Variants in ARHGAP29 observed in about 807,000 individuals in gnomAD.
ARHGAP29 encodes Rho GTPase activating protein 29.
ARHGAP29 carries 43 observed loss-of-function variants against 122.6 expected under a neutral mutation model. The observed-to-expected ratio is 0.35, with a 90% CI of 0.27 to 0.45. The LOEUF (loss-of-function observed/expected upper bound fraction) is 0.45. Ranked by LOEUF, ARHGAP29 falls within the 20% of genes least tolerant of loss-of-function variation. ARHGAP29 has a pLI of 1.00. For synonymous variants in ARHGAP29, 506 were observed against 497.1 expected, an observed-to-expected ratio of 1.02 and a Z score of -0.24; for missense variants, 1,303 against 1,477.2, an observed-to-expected ratio of 0.88 and a Z score of 1.93.
chr1:94,278,011 C>G (rs1655245201), upstream of ARHGAP29, among the ~76,000 whole-genome samples: 1 of 152,164 alleles, frequency 6.6e-6, no homozygotes, highest in Non-Finnish European at 1.5e-5. Flanking sequence ...GTATATTGGT[C>G]AGTTAATAAA....
chr1:94,200,611 T>A lies in ARHGAP29; in HGVS notation c.1281+1109A>T, dbSNP rs1299253685. On this transcript the variant is annotated intron_variant, in intron 12 of 22. Transcript: ENST00000260526. Reference sequence around the variant, plus strand: ...TATAAGAAAATATTCTGCGGCTCTATTCATAATCACCCCAAACTGGAAACA... The same window carrying A: ...TATAAGAAAATATTCTGCGGCTCTAATCATAATCACCCCAAACTGGAAACA... 2.0e-5 allele frequency among the ~76,000 whole-genome samples: 3 copies of A among 152,312 alleles called. No individual in the cohort carries two copies. The East Asian group carries it at 5.8e-4, about 29-fold the overall frequency.
At chr1:94,247,720 A>C in intron 1 of ARHGAP29, 4 of 750,728 alleles carry the variant, frequency 5.3e-6, no homozygotes, top group South Asian at 6.0e-5. Flanking sequence ...CACCACCACC[A>C]CCACAGCGGC....
the ARHGAP29 span, among the ~76,000 whole-genome samples, chr1:94,304,691 A>C: frequency 1.3e-5 from 2 of 152,242 alleles, no homozygotes; most frequent in African/African-American, 2.4e-5. Context: ...TTTTGCATTG[A>C]GTAGCAACTT....
At chr1:94,213,717 TCTTACAATGTTACATAA>T (rs893453962) in intron 3 of ARHGAP29, among the ~76,000 whole-genome samples, 1 of 152,222 alleles carries the variant, frequency 6.6e-6, no homozygotes, top group Non-Finnish European at 1.5e-5. Flanking sequence ...TAACTCTCTC[TCTTACAATGTTACATAA>T]CTTCACCCCT....
chr1:94,184,759 C>T (rs909709009), intron 18 of ARHGAP29, 113 bp downstream of exon 18: 11 of 889,058 alleles, frequency 1.2e-5, no homozygotes, highest in African/African-American at 1.7e-5. Flanking sequence ...GTCTCAGAAA[C>T]AGAACAAAAC....
Position 94,177,654 on chromosome 1 carries a change from G to C in ARHGAP29, c.2863C>G (p.Arg955Gly). 1 of 1,612,882 alleles carries C rather than the reference G, an allele frequency of 6.2e-7. No homozygotes were observed. The highest frequency in any genetic ancestry group is 2.2e-5 in the East Asian group (1 of 44,798). Residue 955 changes from arginine (R) to glycine (G), a missense_variant, in exon 22 of 23, where the codon CGC (arginine) becomes GGC (glycine). Arg to Gly is a moderately radical substitution (Grantham distance 125). This residue lies in a region of ARHGAP29 where 620 missense variants were observed against 651.2 expected (regional missense o/e 0.95). Transcript: ENST00000260526. ...ERATSFEESE[R>G]KQNALGKCDA... The stretch of plus-strand genomic sequence containing the variant: ...CATTTTCCTAACGCATTTTGCTTGC[G>C]TTCTGATTCCTCAAATGATGTAGCT...
At chr1:94,271,979 G>T (rs1225975785) in intron 1 of ARHGAP29, among the ~76,000 whole-genome samples, 1 of 152,172 alleles carries the variant, frequency 6.6e-6, no homozygotes, top group Non-Finnish European at 1.5e-5. Flanking sequence ...CAAGAGAAAT[G>T]GAGCTGCTTT....
chr1:94,190,158 G>T, intron 12 of ARHGAP29, 75 bp from the exon 13 acceptor site: 1 of 1,454,280 alleles, frequency 6.9e-7, no homozygotes, highest in South Asian at 1.3e-5. Flanking sequence ...TTATTTCAAT[G>T]ACTGCACCAA....
At chr1:94,297,140 AAATAGGGGTGT>A in the ARHGAP29 span, among the ~76,000 whole-genome samples, 1 of 152,044 alleles carries the variant, frequency 6.6e-6, no homozygotes, top group Non-Finnish European at 1.5e-5. Flanking sequence ...TTCCCAAGCA[AAATAGGGGTGT>A]AGAGAAGACA....
the ARHGAP29 span, among the ~76,000 whole-genome samples, chr1:94,290,303 A>T: frequency 2.0e-5 from 3 of 151,696 alleles, no homozygotes; most frequent in African/African-American, 7.3e-5. Context: ...CGTCTATTTT[A>T]TTCTTCTCTA....
At chr1:94,311,652 C>T in the ARHGAP29 span, among the ~76,000 whole-genome samples, 12 of 152,212 alleles carry the variant, frequency 7.9e-5, no homozygotes, top group South Asian at 1.9e-3. Flanking sequence ...AGCTGATTTC[C>T]TCAGTCAACT....
chr1:94,218,300 C>T (rs1012034511), intron 3 of ARHGAP29, among the ~76,000 whole-genome samples: 3 of 152,168 alleles, frequency 2.0e-5, no homozygotes, highest in African/African-American at 7.2e-5. Flanking sequence ...ACAAAATAAT[C>T]TTCCCCTTTT....
At chr1:94,261,855 A>G (rs1334697628) in intron 1 of ARHGAP29, among the ~76,000 whole-genome samples, 1 of 152,218 alleles carries the variant, frequency 6.6e-6, no homozygotes, top group Non-Finnish European at 1.5e-5. Context: ...ATTCAATGCT[A>G]TTCTTATCAA....
chr1:94,258,576 G>A (rs1294319360), intron 1 of ARHGAP29, among the ~76,000 whole-genome samples: 1 of 152,206 alleles, frequency 6.6e-6, no homozygotes, highest in Non-Finnish European at 1.5e-5. Flanking sequence ...TCCCACAGGG[G>A]AAAGCCTTCT....
chr1:94,177,559 A>C, intron 22 of ARHGAP29, 53 bp downstream of exon 22: 3 of 1,408,730 alleles, frequency 2.1e-6, no homozygotes, highest in Non-Finnish European at 2.9e-6. Flanking sequence ...TCACGGTTCT[A>C]CTGGTAAAAT....
chr1:94,217,174 T>G (rs1360202100), intron 3 of ARHGAP29, among the ~76,000 whole-genome samples: 2 of 152,194 alleles, frequency 1.3e-5, no homozygotes, highest in Non-Finnish European at 2.9e-5. Context: ...CATTTCATAC[T>G]TAAGGTCTCC....
upstream of ARHGAP29, among the ~76,000 whole-genome samples, chr1:94,241,510 G>A (rs912545907): frequency 1.1e-4 from 16 of 151,534 alleles, no homozygotes; most frequent in African/African-American, 3.4e-4. Context: ...CCAGCTACTC[G>A]GGAGGCTAAG....
At chr1:94,259,913 AT>A (rs34517435) in intron 1 of ARHGAP29, among the ~76,000 whole-genome samples, 1 of 152,216 alleles carries the variant, frequency 6.6e-6, no homozygotes, top group Non-Finnish European at 1.5e-5. Flanking sequence ...TTCAGAGAGC[AT>A]TTTCTGACTC....
At chr1:94,296,699 C>T in the ARHGAP29 span, among the ~76,000 whole-genome samples, 1 of 152,094 alleles carries the variant, frequency 6.6e-6, no homozygotes, top group Non-Finnish European at 1.5e-5. Flanking sequence ...TTTGGCCTCC[C>T]CCAACACAGA....
Sources: allele counts gnomAD v4.1 joint callset (sites outside exome capture counted in the v4.1 genomes callset), GRCh38; gene constraint gnomAD v4.1.1; regional missense constraint gnomAD v4.1.1; transcripts MANE v1.5; gene names NCBI Gene and HGNC (gene_info 2026-07-23, HGNC 2026-07-21).